The following CA2 variants were observed in gnomAD, a reference collection of about 807,000 sequenced individuals.
The protein encoded by CA2 is carbonate dehydratase II.
A neutral mutation model predicts 27.8 loss-of-function variants in CA2; 23 were observed. The ratio of observed to expected loss-of-function variants is 0.83; its 90% CI spans 0.59 to 1.17. CA2 has a LOEUF of 1.17. CA2 is among the 50% of genes most tolerant of loss of function. The pLI is 0.00. For missense variants in CA2, 300 were observed against 314.7 expected, an observed-to-expected ratio of 0.95 and a Z score of 0.35; for synonymous variants, 99 against 114.9, an observed-to-expected ratio of 0.86 and a Z score of 0.88.
chr8:85,465,878 A>G (rs1811622254), intron 2 of CA2, among the ~76,000 whole-genome samples: 1 of 152,230 alleles, frequency 6.6e-6, no homozygotes, highest in African/African-American at 2.4e-5. Context: ...CTTATCTTCA[A>G]GTTAGCAGCG....
chr8:85,464,158 G>GATCCCCT, intron 1 of CA2, 43 bp downstream of exon 1: 1 of 1,466,828 alleles, frequency 6.8e-7, no homozygotes. Flanking sequence ...CCCGATCCCC[G>GATCCCCT]ATCCCCGATC....
At chr8:85,477,390 C>T in intron 6 of CA2, 115 bp downstream of exon 6, 2 of 1,193,610 alleles carry the variant, frequency 1.7e-6, no homozygotes, top group South Asian at 2.4e-5. Context: ...CTACTTCTTG[C>T]TATGGAAATA....
intron 5 of CA2, 152 bp downstream of exon 5, chr8:85,476,012 A>C: frequency 1.4e-6 from 1 of 693,204 alleles, no homozygotes; most frequent in Non-Finnish European, 2.6e-6. Context: ...TAAATATTTA[A>C]TTAACGTTTC....
At chr8:85,467,110 T>A (rs1055681536) in intron 2 of CA2, among the ~76,000 whole-genome samples, 16 of 152,228 alleles carry the variant, frequency 1.1e-4, no homozygotes, top group African/African-American at 3.9e-4. Context: ...ATAGTTTAAG[T>A]CTTTTTTGGA....
At chr8:85,464,284 C>T (rs1811584754) in intron 1 of CA2, 169 bp downstream of exon 1, 2 of 513,336 alleles carry the variant, frequency 3.9e-6, no homozygotes, top group Non-Finnish European at 6.6e-6. Flanking sequence ...GCTCCGCTCG[C>T]GGCTCCGCGG....
chr8:85,473,871 T>A (rs768754316), intron 3 of CA2, 60 bp downstream of exon 3: 2 of 966,564 alleles, frequency 2.1e-6, no homozygotes, highest in Non-Finnish European at 3.4e-6. Context: ...ATATTTAGCA[T>A]TAATTTCAAA....
In CA2 at chr8:85,480,615, A is replaced by G. The variant is rs994263612; in HGVS notation, c.664-55A>G. On this transcript the variant is annotated intron_variant, in intron 6 of 6. Transcript: ENST00000285379. Reference sequence around the variant, plus strand: ...GTATTTAAAGATATAACACAAGTATATAACTGAATACCATTGTGAAACATT... The same window carrying G: ...GTATTTAAAGATATAACACAAGTATGTAACTGAATACCATTGTGAAACATT... 1.6e-5 allele frequency: 25 copies of G among 1,559,284 alleles called. No individual in the cohort carries two copies. In the African/African-American group the frequency reaches 2.3e-4, roughly 14 times the overall value.
intron 1 of CA2, chr8:85,464,482 A>G (rs1811589170): frequency 9.2e-6 from 2 of 216,370 alleles, no homozygotes; most frequent in Non-Finnish European, 1.8e-5. Context: ...AAAGGGTTGT[A>G]ACGGAAAATT....
At chr8:85,478,582 G>A (rs189342440) in intron 6 of CA2, among the ~76,000 whole-genome samples, 108 of 152,280 alleles carry the variant, frequency 7.1e-4, no homozygotes, top group Non-Finnish European at 1.5e-3. Context: ...ACACCCACAG[G>A]CAGAAATACA....
intron 6 of CA2, among the ~76,000 whole-genome samples, chr8:85,478,145 A>G (rs1811833391): frequency 6.6e-6 from 1 of 152,222 alleles, no homozygotes; most frequent in Non-Finnish European, 1.5e-5. Flanking sequence ...ACAGTCTGAG[A>G]TGCAGGAAAA....
intron 2 of CA2, chr8:85,473,486 A>G: frequency 1.5e-6 from 1 of 674,296 alleles, no homozygotes; most frequent in Non-Finnish European, 2.7e-6. Flanking sequence ...GATTTTGTTC[A>G]GCACCGTAGA....
intron 6 of CA2, 42 bp from the exon 7 acceptor site, chr8:85,480,628 A>G: frequency 1.3e-6 from 2 of 1,588,306 alleles, no homozygotes; most frequent in Non-Finnish European, 1.7e-6. Context: ...ACTGAATACC[A>G]TTGTGAAACA....
rs377003627 is a variant in CA2, at chr8:85,477,153, C to T, written c.541C>T (p.Arg181Cys). Reference protein sequence around the residue: ...KSADFTNFDPRGLLPESLDYW... With the variant: ...KSADFTNFDPCGLLPESLDYW... ...TGCTGACTTCACTAACTTCGATCCT[C>T]GTGGCCTCCTTCCTGAATCCTTGGA... Residue 181 changes from arginine (R) to cysteine (C), a missense_variant, in exon 6 of 7, where the codon CGT becomes TGT. Physicochemically the swap from Arg to Cys is radical, Grantham distance 180 (BLOSUM62 -3). This residue lies in a region of CA2 where 173 missense variants were observed against 161.0 expected (regional missense o/e 1.07). Coordinates refer to ENST00000285379, the MANE Select transcript of CA2 (RefSeq NM_000067.3). 31 of 1,613,976 alleles carry T rather than the reference C, an allele frequency of 1.9e-5. No individual in the cohort carries two copies. Among genetic ancestry groups the T allele is most frequent in the African/African-American group, 1.7e-4 (13 of 74,902 alleles).
chr8:85,464,161 C>T (rs576691274), intron 1 of CA2, 46 bp downstream of exon 1: 141 of 1,470,746 alleles, frequency 9.6e-5, no homozygotes, highest in Non-Finnish European at 1.2e-4. Context: ...GATCCCCGAT[C>T]CCCGATCCCC....
chr8:85,481,390 A>T lies in CA2; in HGVS notation c.*601A>T, dbSNP rs929068712. On this transcript the variant is annotated 3_prime_UTR_variant, in exon 7 of 7. Transcript: ENST00000285379. Reference sequence around the variant, plus strand: ...TGAAGTATTATCTGTAAAAATTGTTATAATTAGAGTTGTGATACAGAGTAT... The same window carrying T: ...TGAAGTATTATCTGTAAAAATTGTTTTAATTAGAGTTGTGATACAGAGTAT... The T allele has an allele frequency of 2.0e-5, 3 of 152,854 alleles. No individual in the cohort carries two copies. Among genetic ancestry groups the T allele is most frequent in the Non-Finnish European group, 2.9e-5 (2 of 68,380 alleles). 9.5% of individuals were successfully genotyped at this position (152,854 alleles called of 1,614,324 possible).
At chr8:85,473,486 A>C (rs1811739179) in intron 2 of CA2, 1 of 674,178 alleles carries the variant, frequency 1.5e-6, no homozygotes, top group African/African-American at 1.8e-5. Context: ...GATTTTGTTC[A>C]GCACCGTAGA....
chr8:85,473,757 A>T lies in CA2; in HGVS notation c.297A>T (p.Ser99=), dbSNP rs774715943. 2.5e-6 allele frequency: 4 copies of T among 1,612,906 alleles called. No individual in the cohort carries two copies. The highest frequency in any genetic ancestry group is 3.4e-6 in the Non-Finnish European group (4 of 1,178,914). ...RLIQFHFHWG[S]LDGQGSEHTV... Reference sequence around the variant, plus strand: ...TTCAGTTTCACTTTCACTGGGGTTCACTTGATGGACAAGGTTCAGAGCATA... The same window carrying T: ...TTCAGTTTCACTTTCACTGGGGTTCTCTTGATGGACAAGGTTCAGAGCATA... Residue 99 remains serine, a synonymous_variant, in exon 3 of 7, where the codon TCA becomes TCT. Coordinates refer to ENST00000285379, the MANE Select transcript of CA2 (RefSeq NM_000067.3).
intron 6 of CA2, among the ~76,000 whole-genome samples, chr8:85,477,663 T>G (rs1047548285): frequency 1.3e-5 from 2 of 152,160 alleles, no homozygotes; most frequent in African/African-American, 4.8e-5. Flanking sequence ...AAGGGCTTTC[T>G]GCTATTTTAT....
At position 85,474,436 on chromosome 8, in the gene CA2, C is replaced by CTT; in HGVS notation, c.444+27_444+28dup. ...TTGAAGGTTAGTTGATGACCCAATT[C>CTT]TTTTTTTTCCCTATTTTTAATAAAG... On this transcript the variant is annotated intron_variant, in intron 4 of 6. Coordinates refer to ENST00000285379, the MANE Select transcript of CA2 (RefSeq NM_000067.3). 6.6e-7 allele frequency: 1 copy of CTT among 1,519,234 alleles called. No individual in the cohort carries two copies. The highest frequency in any genetic ancestry group is 9.1e-7 in the Non-Finnish European group (1 of 1,093,628). The allele number at this position is 1,519,234 out of a possible 1,614,324, so 94.1% of individuals were successfully genotyped here.
Sources: allele counts gnomAD v4.1 joint callset (sites outside exome capture counted in the v4.1 genomes callset), GRCh38; gene constraint gnomAD v4.1.1; regional missense constraint gnomAD v4.1.1; transcripts MANE v1.5; gene names NCBI Gene and HGNC (gene_info 2026-07-23, HGNC 2026-07-21).